RNF150: variants seen among roughly 807,000 people sequenced by gnomAD.
RNF150 encodes ring finger protein 150.
Under a neutral mutation model 39.3 loss-of-function variants are expected in RNF150, and 24 were observed. The observed-to-expected ratio is 0.61, with a 90% CI of 0.44 to 0.86. The LOEUF is 0.86. Among genes scored for constraint, RNF150 ranks in the 40% least tolerant of loss-of-function variants. RNF150 has a pLI of 0.00. For missense variants in RNF150, 502 were observed against 587.8 expected (o/e 0.85, Z 1.51); for synonymous variants, 255 against 227.3 (o/e 1.12, Z -1.10).
chr4:140,891,452 G>A (rs1368638394), intron 6 of RNF150, among the ~76,000 whole-genome samples: 2 of 152,186 alleles, frequency 1.3e-5, no homozygotes, highest in Non-Finnish European at 2.9e-5. Flanking sequence ...GAACTGGGAA[G>A]GCTGGACAGT....
At chr4:141,151,499 T>C (rs1040244892) in intron 1 of RNF150, among the ~76,000 whole-genome samples, 5 of 151,114 alleles carry the variant, frequency 3.3e-5, no homozygotes, top group Non-Finnish European at 7.4e-5. Context: ...CTGAGAACTG[T>C]AGGAATGTTT....
rs201923355 is a variant in RNF150 at position 140,869,403 on chromosome 4, AT to A, written c.1199-1025del. Among the ~76,000 whole-genome samples the A allele has an allele frequency of 1.6e-3, 241 of 152,120 alleles. 5 individuals carry two copies. The East Asian group carries it at 0.033, about 21-fold the overall frequency. ...GGATTTATATTCATTTTCTGTTAAC[AT>A]TTTTTTTCAGTTCTCCCAAATACTC... On this transcript the variant is annotated intron_variant, in intron 6 of 6. Coordinates refer to ENST00000515673, the MANE Select transcript of RNF150 (RefSeq NM_020724.2).
At chr4:141,119,687 T>C (rs56044111) in intron 1 of RNF150, among the ~76,000 whole-genome samples, 1,827 of 152,276 alleles carry the variant, frequency 0.012, 35 homozygotes, top group African/African-American at 0.042. Context: ...AAATAACAAC[T>C]GGCTTCCTGC....
chr4:140,975,856 T>C (rs1239259036), intron 1 of RNF150, among the ~76,000 whole-genome samples: 1 of 152,140 alleles, frequency 6.6e-6, no homozygotes, highest in Non-Finnish European at 1.5e-5. Context: ...GATGACCCCA[T>C]GTACCTTTTG....
intron 1 of RNF150, among the ~76,000 whole-genome samples, chr4:141,018,974 TCTC>T (rs1429232200): frequency 6.7e-6 from 1 of 150,260 alleles, no homozygotes; most frequent in African/African-American, 2.4e-5. Flanking sequence ...GGTTTATTCT[TCTC>T]CTATTAATCT....
At chr4:140,936,802 C>T (rs1339916226) in intron 4 of RNF150, among the ~76,000 whole-genome samples, 1 of 152,004 alleles carries the variant, frequency 6.6e-6, no homozygotes, top group Non-Finnish European at 1.5e-5. Flanking sequence ...ATCTTACAAT[C>T]AATGACAATT....
intron 1 of RNF150, among the ~76,000 whole-genome samples, chr4:141,123,250 G>A (rs897065375): frequency 6.6e-6 from 1 of 152,134 alleles, no homozygotes; most frequent in Admixed American, 6.5e-5. Context: ...TCTAGGCTTG[G>A]GGAACTTAAC....
intron 1 of RNF150, among the ~76,000 whole-genome samples, chr4:141,118,261 C>T (rs547805473): frequency 2.4e-4 from 37 of 152,256 alleles, no homozygotes; most frequent in African/African-American, 8.9e-4. Context: ...TTAGGTCATA[C>T]CCACCTGCAT....
At chr4:140,954,057 A>G (rs141126220) in intron 2 of RNF150, among the ~76,000 whole-genome samples, 11 of 152,296 alleles carry the variant, frequency 7.2e-5, no homozygotes, top group Non-Finnish European at 1.5e-4. Flanking sequence ...GGCAGAGTAA[A>G]GTGATGCTAA....
At chr4:141,055,347 TAA>T (rs1356163452) in intron 1 of RNF150, among the ~76,000 whole-genome samples, 5 of 152,204 alleles carry the variant, frequency 3.3e-5, no homozygotes, top group African/African-American at 1.2e-4. Flanking sequence ...GTCATTTTTA[TAA>T]GTCATCTATA....
At chr4:141,089,096 T>C (rs1738476105) in intron 1 of RNF150, among the ~76,000 whole-genome samples, 1 of 152,126 alleles carries the variant, frequency 6.6e-6, no homozygotes. Context: ...CCCTCAGAAA[T>C]GCAAAGGAAG....
chr4:141,044,749 C>G (rs1397477846), intron 1 of RNF150, among the ~76,000 whole-genome samples: 1 of 149,104 alleles, frequency 6.7e-6, no homozygotes, highest in Non-Finnish European at 1.5e-5. Context: ...GAGTAAAGAG[C>G]TCATGCATGC....
intron 4 of RNF150, among the ~76,000 whole-genome samples, chr4:140,927,993 T>C (rs1731464798): frequency 6.6e-6 from 1 of 151,970 alleles, no homozygotes; most frequent in Admixed American, 6.5e-5. Context: ...GGTATTTCTT[T>C]ATAGCAGTGT....
intron 5 of RNF150, among the ~76,000 whole-genome samples, chr4:140,916,600 C>A (rs1730841478): frequency 6.6e-6 from 1 of 152,222 alleles, no homozygotes; most frequent in Non-Finnish European, 1.5e-5. Flanking sequence ...AGAATGGAAT[C>A]AAGTTGGAAA....
At chr4:141,175,807 G>T (rs1406167539) in intron 1 of RNF150, among the ~76,000 whole-genome samples, 1 of 152,198 alleles carries the variant, frequency 6.6e-6, no homozygotes. Flanking sequence ...AGTTCCTCTT[G>T]CTGGATGCAG....
chr4:141,030,928 A>T (rs537278886), intron 1 of RNF150, among the ~76,000 whole-genome samples: 1 of 152,236 alleles, frequency 6.6e-6, no homozygotes, highest in East Asian at 1.9e-4. Context: ...TGTACACTTA[A>T]AATGGTTAAG....
At chr4:141,168,782 CA>C in intron 1 of RNF150, among the ~76,000 whole-genome samples, 1 of 152,084 alleles carries the variant, frequency 6.6e-6, no homozygotes, top group Middle Eastern at 3.4e-3. Flanking sequence ...CATCACACAC[CA>C]GCGCCTGTCA....
At chr4:141,094,042 T>G (rs915316811) in intron 1 of RNF150, among the ~76,000 whole-genome samples, 2 of 152,060 alleles carry the variant, frequency 1.3e-5, no homozygotes, top group African/African-American at 4.8e-5. Context: ...TAGATACAGC[T>G]AAAGAGATAA....
chr4:140,902,275 A>G (rs953651189), intron 6 of RNF150, among the ~76,000 whole-genome samples: 1 of 152,216 alleles, frequency 6.6e-6, no homozygotes, highest in Non-Finnish European at 1.5e-5. Context: ...TGGAAAAAAT[A>G]TAGGGTAGCT....
Sources: allele counts gnomAD v4.1 joint callset (sites outside exome capture counted in the v4.1 genomes callset), GRCh38; gene constraint gnomAD v4.1.1; transcripts MANE v1.5; gene names NCBI Gene and HGNC (gene_info 2026-07-23, HGNC 2026-07-21).